CCNH: variants seen among roughly 807,000 people sequenced by gnomAD.
The protein encoded by CCNH is cyclin-H.
Under a neutral mutation model 41.9 loss-of-function variants are expected in CCNH, and 31 were observed. The observed-to-expected ratio is 0.74, with a 90% CI of 0.56 to 1.00. The LOEUF (loss-of-function observed/expected upper bound fraction) is 1.00. CCNH is among the 50% of genes least tolerant of loss of function. The pLI, the probability that CCNH is intolerant of heterozygous loss-of-function variation, is 0.00. For missense variants in CCNH, 362 were observed against 388.4 expected, an observed-to-expected ratio of 0.93 and a Z score of 0.57; for synonymous variants, 138 against 136.1, an observed-to-expected ratio of 1.01 and a Z score of -0.10.
intron 2 of CCNH, among the ~76,000 whole-genome samples, chr5:87,409,811 T>G (rs1401150390): frequency 6.6e-6 from 1 of 152,180 alleles, no homozygotes; most frequent in Non-Finnish European, 1.5e-5. Context: ...CACTCCATAT[T>G]TGTGATATAA....
At chr5:87,382,088 G>T (rs1761757918), upstream of CCNH, among the ~76,000 whole-genome samples, 1 of 152,064 alleles carries the variant, frequency 6.6e-6, no homozygotes, top group South Asian at 2.1e-4. Flanking sequence ...CAAGTAGCTG[G>T]ATTACAGGCA....
intron 9 of CCNH, chr5:87,383,805 A>T (rs1199196651): frequency 6.4e-7 from 1 of 1,571,180 alleles, no homozygotes; most frequent in Non-Finnish European, 8.7e-7. Flanking sequence ...ATACATTTTG[A>T]AATTCAAAAT....
Position 87,408,135 on chromosome 5 carries a change from A to C in CCNH, c.366T>G (p.Ser122Arg), listed in dbSNP as rs753302898. The C allele has an allele frequency of 4.3e-6, 7 of 1,613,114 alleles. No individual in the cohort carries two copies. Among genetic ancestry groups the C allele is most frequent in the Non-Finnish European group, 5.9e-6 (7 of 1,179,550 alleles). ...ACKVDEFNVS[S>R]PQFVGNLRES... ...CCCGGAGGTTTCCAACAAACTGAGG[A>C]CTAGATACATTGAATTCATCTACTT... Residue 122 changes from serine (S) to arginine (R), a missense_variant, in exon 4 of 9, where the codon AGT becomes AGG. Transcript: ENST00000256897.
intron 9 of CCNH, among the ~76,000 whole-genome samples, chr5:87,336,094 A>G (rs746523161): frequency 6.6e-6 from 1 of 152,238 alleles, no homozygotes; most frequent in Non-Finnish European, 1.5e-5. Flanking sequence ...ATCATATAGC[A>G]GCAAATTTAA....
chr5:87,328,641 G>T (rs1266781828), intron 9 of CCNH, among the ~76,000 whole-genome samples: 2 of 152,054 alleles, frequency 1.3e-5, no homozygotes, highest in Non-Finnish European at 2.9e-5. Context: ...GAAAGTTAAG[G>T]TAGACAGCAT....
chr5:87,372,289 C>G (rs1201965943), downstream of CCNH: 39 of 1,160,974 alleles, frequency 3.4e-5, no homozygotes, highest in Non-Finnish European at 4.9e-5. Flanking sequence ...TTTTGGACAT[C>G]ATATGGGGTT....
intron 9 of CCNH, among the ~76,000 whole-genome samples, chr5:87,347,876 C>G (rs1040628840): frequency 3.3e-5 from 5 of 151,884 alleles, no homozygotes; most frequent in African/African-American, 1.2e-4. Flanking sequence ...CTTGTACCAC[C>G]AAGTACTTGA....
rs140217262 is a variant in CCNH at position 87,411,142 on chromosome 5, T to C, written c.240+82A>G. On this transcript the variant is annotated intron_variant, in intron 2 of 8. Coordinates refer to ENST00000256897, the MANE Select transcript of CCNH (RefSeq NM_001239.4). Reference sequence around the variant, plus strand: ...TGTAACTAAGGTGAATTTTTAAGACTTGAGTGGACAGGGAATTTAGAAGAG... The same window carrying C: ...TGTAACTAAGGTGAATTTTTAAGACCTGAGTGGACAGGGAATTTAGAAGAG... 710 of 1,396,128 alleles carry C rather than the reference T, an allele frequency of 5.1e-4. 2 individuals are homozygous for C. The African/African-American group carries it at 9.3e-3, about 18-fold the overall frequency. 86.5% of individuals were successfully genotyped at this position (1,396,128 alleles called of 1,614,324 possible).
chr5:87,376,270 G>A, exon 1 of CCNH: 1 of 1,152,936 alleles, frequency 8.7e-7, no homozygotes. Flanking sequence ...TGATGTTACT[G>A]AAAACTCCTT....
intron 9 of CCNH, among the ~76,000 whole-genome samples, chr5:87,326,157 A>C (rs1363899139): frequency 6.6e-6 from 1 of 152,024 alleles, no homozygotes; most frequent in Non-Finnish European, 1.5e-5. Flanking sequence ...TTTTTTGTAG[A>C]GATGGCGTTT....
rs1338644975 is a variant in CCNH, at chr5:87,401,706, CATT to C, written c.753_755del (p.Ile251del). The stretch of plus-strand genomic sequence containing the variant: ...AAAGTGTTCTCTTTTACTTACTTTT[CATT>C]ATATCTAGTAACTGTGACAGGCAAG... On this transcript the variant is annotated inframe_deletion, in exon 6 of 9. Coordinates refer to ENST00000256897, the MANE Select transcript of CCNH (RefSeq NM_001239.4). 1.3e-6 allele frequency: 2 copies of C among 1,573,938 alleles called. No homozygotes were observed. Among genetic ancestry groups the C allele is most frequent in the African/African-American group, 2.7e-5 (2 of 73,398 alleles).
Position 87,362,559 on chromosome 5 carries a change from A to G in CCNH, c.*90+30211T>C, listed in dbSNP as rs147255535. 1.7e-5 allele frequency: 27 copies of G among 1,590,794 alleles called. No homozygotes were observed. The African/African-American group carries it at 3.4e-4, about 20-fold the overall frequency. ...TGTTTTTTAAAATTCAGGATCAAGA[A>G]CAAGTACTCAATGACACAGTGGATG... is the stretch of plus-strand genomic sequence containing the variant. On this transcript the variant is annotated intron_variant and NMD_transcript_variant, in intron 9 of 9. Coordinates refer to the CCNH transcript ENST00000645953.
chr5:87,378,969 T>C (rs991359180), upstream of CCNH, among the ~76,000 whole-genome samples: 1 of 152,178 alleles, frequency 6.6e-6, no homozygotes, highest in East Asian at 1.9e-4. Context: ...AAAAATCTTT[T>C]TAGGATTATT....
intron 4 of CCNH, among the ~76,000 whole-genome samples, chr5:87,405,408 A>G (rs1246249308): frequency 1.3e-5 from 2 of 152,202 alleles, no homozygotes; most frequent in Non-Finnish European, 2.9e-5. Context: ...TTTGATTAGA[A>G]CACACTAGAC....
intron 9 of CCNH, among the ~76,000 whole-genome samples, chr5:87,386,128 TGGATAGGCATAATATTTTG>T (rs981345218): frequency 1.1e-4 from 16 of 152,198 alleles, no homozygotes; most frequent in African/African-American, 3.4e-4. Flanking sequence ...TTTTGCCAAT[TGGATAGGCATAATATTTTG>T]TGTTTCATTA....
downstream of CCNH, among the ~76,000 whole-genome samples, chr5:87,371,920 G>A (rs532769552): frequency 6.6e-6 from 1 of 151,674 alleles, no homozygotes; most frequent in Admixed American, 6.6e-5. Context: ...AATTGTTTTG[G>A]TTGTTTTATT....
At chr5:87,345,845 T>G (rs557251960) in intron 9 of CCNH, among the ~76,000 whole-genome samples, 1 of 152,254 alleles carries the variant, frequency 6.6e-6, no homozygotes, top group African/African-American at 2.4e-5. Context: ...CACAAAGTAG[T>G]AGATAGGTGA....
At position 87,362,487 on chromosome 5, in the gene CCNH, A is replaced by G. The variant is rs529712199; in HGVS notation, c.*90+30283T>C. 37 of 1,503,588 alleles carry G rather than the reference A, an allele frequency of 2.5e-5. No homozygotes were observed. In the Admixed American group the frequency reaches 5.5e-4, roughly 22 times the overall value. The allele number at this position is 1,503,588 out of a possible 1,614,324, so 93.1% of individuals were successfully genotyped here. ...GCTTTGGCTTTTAATTGGTACTTTTATAGATTTTTACTTCATTTCCATCAA... is the reference window on the plus strand; with the variant it reads ...GCTTTGGCTTTTAATTGGTACTTTTGTAGATTTTTACTTCATTTCCATCAA... On this transcript the variant is annotated intron_variant and NMD_transcript_variant, in intron 9 of 9. Coordinates refer to the CCNH transcript ENST00000645953.
At chr5:87,388,919 C>G (rs779565483), downstream of CCNH, among the ~76,000 whole-genome samples, 42 of 152,140 alleles carry the variant, frequency 2.8e-4, no homozygotes, top group Non-Finnish European at 5.3e-4. Context: ...GTTAGGAAGC[C>G]ACACCCCCCA....
Sources: gnomAD v4.1 joint callset for allele counts (sites outside exome capture counted in the v4.1 genomes callset) on GRCh38, gnomAD v4.1.1 for gene constraint, MANE v1.5 for transcripts, NCBI Gene and HGNC (gene_info 2026-07-23, HGNC 2026-07-21) for gene names.